Variants in POTED observed in about 807,000 individuals in gnomAD.
POTED encodes POTE ankyrin domain family member D, also known as ANKRD26-like family B member 3.
Under a neutral mutation model 19.0 loss-of-function variants are expected in POTED, and 7 were observed. That is an observed-to-expected ratio of 0.37 (90% CI 0.21 to 0.69). POTED has a LOEUF of 0.69. Ranked by LOEUF, POTED falls within the 30% of genes least tolerant of loss-of-function variation. The pLI, the probability that POTED is intolerant of heterozygous loss-of-function variation, is 0.56. For missense variants in POTED, 54 were observed against 278.5 expected, an observed-to-expected ratio of 0.19 and a Z score of 5.74; for synonymous variants, 16 against 92.0, an observed-to-expected ratio of 0.17 and a Z score of 4.73.
At chr21:13,637,292 T>C (rs1356741076) in intron 9 of POTED, among the ~76,000 whole-genome samples, 1 of 72,150 alleles carries the variant, frequency 1.4e-5, no homozygotes, top group Non-Finnish European at 2.4e-5. Context: ...ACATCTGCTG[T>C]TTTTTTTATT....
At position 13,612,265 on chromosome 21, in the gene POTED, T is replaced by G. The variant is rs1157149529; in HGVS notation, c.521+1516T>G. Among the ~76,000 whole-genome samples the G allele has an allele frequency of 1.2e-4, 8 of 64,788 alleles. 3 individuals are homozygous for G. Among genetic ancestry groups the G allele is most frequent in the African/African-American group, 2.6e-4 (2 of 7,716 alleles). The allele number at this position is 64,788 out of a possible 152,430, so 42.5% of individuals were successfully genotyped here. A position where few individuals can be genotyped will look rare whatever the true frequency, so the allele number is the denominator to read the frequency against. On this transcript the variant is annotated intron_variant, in intron 1 of 10. Transcript: ENST00000299443. ...GGCAAGTGGATCACGAGGTCAGGAG[T>G]TTGATACTAGCCTGGCCAGCATGGT...
rs3859721 is a variant in POTED at position 13,636,613 on chromosome 21, C to A, written c.1410-2902C>A. ...AATCATTACTAATAAAAATTGCTATCTTTGAAATATAAATAATGACATTTT... is the reference window on the plus strand; with the variant it reads ...AATCATTACTAATAAAAATTGCTATATTTGAAATATAAATAATGACATTTT... On this transcript the variant is annotated intron_variant, in intron 9 of 10. Coordinates refer to ENST00000299443, the MANE Select transcript of POTED (RefSeq NM_174981.6). Among the ~76,000 whole-genome samples, 4 of 78,900 alleles carry A rather than the reference C, an allele frequency of 5.1e-5. 2 individuals carry two copies. Among genetic ancestry groups the A allele is most frequent in the African/African-American group, 2.0e-4 (2 of 10,176 alleles). The allele number at this position is 78,900 out of a possible 152,430, so 51.8% of individuals were successfully genotyped here. A position where few individuals can be genotyped will look rare whatever the true frequency, so the allele number is the denominator to read the frequency against.
In POTED at chr21:13,612,714, G is replaced by T. The variant is rs560934617; in HGVS notation, c.521+1965G>T. On this transcript the variant is annotated intron_variant, in intron 1 of 10. Coordinates refer to ENST00000299443, the MANE Select transcript of POTED (RefSeq NM_174981.6). ...GAAACAGACACAGCTGTTTTTCTTA[G>T]TATTGCTTAAAATAGCCATGTATTG... Among the ~76,000 whole-genome samples, 594 of 81,518 alleles carry T rather than the reference G, an allele frequency of 7.3e-3. 269 individuals are homozygous for T. Among genetic ancestry groups the T allele is most frequent in the African/African-American group, 0.052 (556 of 10,664 alleles). The allele number at this position is 81,518 out of a possible 152,430, so 53.5% of individuals were successfully genotyped here. A position where few individuals can be genotyped will look rare whatever the true frequency, so the allele number is the denominator to read the frequency against.
Position 13,639,781 on chromosome 21 carries a change from TACAC to T in POTED, c.1533+160_1533+163del, listed in dbSNP as rs150801476. On this transcript the variant is annotated intron_variant, in intron 10 of 10. Transcript: ENST00000299443. ...ATATATATGTGTGTGTGTATATATA[TACAC>T]ACACACACACACACACCCTGTATAT... 5.4e-4 allele frequency: 193 copies of T among 358,964 alleles called. 18 individuals are homozygous for T. Among genetic ancestry groups the T allele is most frequent in the Admixed American group, 1.8e-3 (30 of 16,926 alleles). 22.2% of individuals were successfully genotyped at this position (358,964 alleles called of 1,614,324 possible).
intron 1 of POTED, among the ~76,000 whole-genome samples, chr21:13,611,866 C>CA (rs2011142847): frequency 2.2e-5 from 1 of 45,906 alleles, no homozygotes; most frequent in Non-Finnish European, 3.5e-5. Flanking sequence ...TACAGGCACC[C>CA]ACCACCATGC....
rs201340985 is a variant in POTED, at chr21:13,610,195, G to T, written c.-34G>T. 21 of 325,686 alleles carry T rather than the reference G, an allele frequency of 6.4e-5. 6 individuals are homozygous for T. Among genetic ancestry groups the T allele is most frequent in the Admixed American group, 3.9e-4 (7 of 17,776 alleles). The allele number at this position is 325,686 out of a possible 1,614,324, so 20.2% of individuals were successfully genotyped here. A position where few individuals can be genotyped will look rare whatever the true frequency, so the allele number is the denominator to read the frequency against. On this transcript the variant is annotated 5_prime_UTR_variant, in exon 1 of 11. Coordinates refer to ENST00000299443, the MANE Select transcript of POTED (RefSeq NM_174981.6). Reference sequence around the variant, plus strand: ...ACTGGTTGGTAGACGCGATCTGTTCGCTACTACCGGCCTCCCCTGGCTGTT... The same window carrying T: ...ACTGGTTGGTAGACGCGATCTGTTCTCTACTACCGGCCTCCCCTGGCTGTT...
rs1419418348 is a variant in POTED at position 13,645,150 on chromosome 21, A to G, written c.*3584A>G. Reference sequence around the variant, plus strand: ...TGTACCTGAAAGAGATGAGAATGGAACCAACTTGGAAAACACATTTCAGAA... The same window carrying G: ...TGTACCTGAAAGAGATGAGAATGGAGCCAACTTGGAAAACACATTTCAGAA... On this transcript the variant is annotated 3_prime_UTR_variant, in exon 11 of 11. Transcript: ENST00000299443. Among the ~76,000 whole-genome samples the G allele has an allele frequency of 7.7e-6, 1 of 130,428 alleles. No homozygotes were observed. Among genetic ancestry groups the G allele is most frequent in the African/African-American group, 3.2e-5 (1 of 31,400 alleles). 85.6% of individuals were successfully genotyped at this position (130,428 alleles called of 152,430 possible). A position where few individuals can be genotyped will look rare whatever the true frequency, so the allele number is the denominator to read the frequency against.
In POTED at chr21:13,631,276, G is replaced by A. The variant is rs966277607; in HGVS notation, c.1409+169G>A. 3.5e-5 allele frequency among the ~76,000 whole-genome samples: 4 copies of A among 112,940 alleles called. 1 individual carries two copies. The highest frequency in any genetic ancestry group is 7.1e-5 in the Non-Finnish European group (4 of 56,596). The allele number at this position is 112,940 out of a possible 152,430, so 74.1% of individuals were successfully genotyped here. A position where few individuals can be genotyped will look rare whatever the true frequency, so the allele number is the denominator to read the frequency against. On this transcript the variant is annotated intron_variant, in intron 9 of 10. Coordinates refer to ENST00000299443, the MANE Select transcript of POTED (RefSeq NM_174981.6). ...AAACAATGAGTTACCGTTTTTTCCA[G>A]TCATTAATTTATTTGAAAAATAACC...
intron 9 of POTED, among the ~76,000 whole-genome samples, chr21:13,637,004 A>ATATATATATATATATATATATATATTT (rs1481200854): frequency 6.1e-5 from 1 of 16,468 alleles, no homozygotes. Flanking sequence ...ATATATATAT[A>ATATATATATATATATATATATATATTT]TTTTTTTTTT....
chr21:13,637,548 T>G (rs1459665914), intron 9 of POTED, among the ~76,000 whole-genome samples: 1 of 63,572 alleles, frequency 1.6e-5, no homozygotes, highest in Non-Finnish European at 2.6e-5. Context: ...ATTCATAATT[T>G]GCCCATATTT....
In POTED at chr21:13,645,471, A is replaced by C. The variant is rs1358736745; in HGVS notation, c.*3905A>C. Among the ~76,000 whole-genome samples the C allele has an allele frequency of 7.5e-6, 1 of 134,094 alleles. No individual in the cohort carries two copies. The highest frequency in any genetic ancestry group is 2.0e-4 in the East Asian group (1 of 5,092). 88.0% of individuals were successfully genotyped at this position (134,094 alleles called of 152,430 possible). Reference sequence around the variant, plus strand: ...AATTTCAACCCAGAATTTCATGTCCAGCAAAATTAAGCATCATAAGTGAAG... The same window carrying C: ...AATTTCAACCCAGAATTTCATGTCCCGCAAAATTAAGCATCATAAGTGAAG... On this transcript the variant is annotated 3_prime_UTR_variant, in exon 11 of 11. Transcript: ENST00000299443.
chr21:13,637,004 A>ATTT (rs1208399825), intron 9 of POTED, among the ~76,000 whole-genome samples: 22 of 16,420 alleles, frequency 1.3e-3, no homozygotes, highest in Non-Finnish European at 1.9e-3. Flanking sequence ...ATATATATAT[A>ATTT]TTTTTTTTTT....
At position 13,642,539 on chromosome 21, in the gene POTED, G is replaced by A. The variant is rs4490281; in HGVS notation, c.*973G>A. Among the ~76,000 whole-genome samples, 6 of 80,068 alleles carry A rather than the reference G, an allele frequency of 7.5e-5. 2 individuals are homozygous for A. Among genetic ancestry groups the A allele is most frequent in the Non-Finnish European group, 1.3e-4 (6 of 45,162 alleles). The allele number at this position is 80,068 out of a possible 152,430, so 52.5% of individuals were successfully genotyped here. On this transcript the variant is annotated 3_prime_UTR_variant, in exon 11 of 11. Coordinates refer to ENST00000299443, the MANE Select transcript of POTED (RefSeq NM_174981.6). ...GACCAGGGGCTGAAGTGAACCCCCC[G>A]CACAGCATAGCCACTCTACAAAAAC...
intron 9 of POTED, among the ~76,000 whole-genome samples, chr21:13,637,004 AT>A (rs1208399825): frequency 0.19 from 3,106 of 16,500 alleles, 1,206 homozygotes; most frequent in Admixed American, 0.23. Context: ...ATATATATAT[AT>A]TTTTTTTTTT....
Position 13,643,360 on chromosome 21 carries a change from G to T in POTED, c.*1794G>T, listed in dbSNP as rs533807683. ...TGCTCTTATGAGACACTTTATCCCA[G>T]CACTTTAGGAGTGCTGAGGTCAGAC... On this transcript the variant is annotated 3_prime_UTR_variant, in exon 11 of 11. Transcript: ENST00000299443. Among the ~76,000 whole-genome samples, 44 of 70,470 alleles carry T rather than the reference G, an allele frequency of 6.2e-4. 17 individuals are homozygous for T. Among genetic ancestry groups the T allele is most frequent in the East Asian group, 3.3e-3 (4 of 1,206 alleles). The allele number at this position is 70,470 out of a possible 152,430, so 46.2% of individuals were successfully genotyped here. A position where few individuals can be genotyped will look rare whatever the true frequency, so the allele number is the denominator to read the frequency against.
chr21:13,627,452 AC>A lies in POTED; in HGVS notation c.1127-929del, dbSNP rs748232910. On this transcript the variant is annotated intron_variant, in intron 6 of 10. Transcript: ENST00000299443. The stretch of plus-strand genomic sequence containing the variant: ...GCAAGACCCTGGCTCAAACAAAAAA[AC>A]AAAAAAAAAAAAGAAAAATGAATAT... Among the ~76,000 whole-genome samples, 33 of 95,882 alleles carry A rather than the reference AC, an allele frequency of 3.4e-4. 7 individuals carry two copies. Among genetic ancestry groups the A allele is most frequent in the Non-Finnish European group, 6.0e-4 (30 of 50,404 alleles). The allele number at this position is 95,882 out of a possible 152,430, so 62.9% of individuals were successfully genotyped here.
rs9305905 is a variant in POTED, at chr21:13,610,927, G to A, written c.521+178G>A. Among the ~76,000 whole-genome samples the A allele has an allele frequency of 1.7e-4, 14 of 80,940 alleles. 2 individuals carry two copies. Among genetic ancestry groups the A allele is most frequent in the African/African-American group, 1.9e-4 (2 of 10,498 alleles). The allele number at this position is 80,940 out of a possible 152,430, so 53.1% of individuals were successfully genotyped here. A position where few individuals can be genotyped will look rare whatever the true frequency, so the allele number is the denominator to read the frequency against. ...CCCTTTATAAACAGCGACACAAAAA[G>A]TTTTAGCTGATTTCCAATCCAATTA... On this transcript the variant is annotated intron_variant, in intron 1 of 10. Transcript: ENST00000299443.
chr21:13,626,431 T>C (rs2011186260), intron 6 of POTED, among the ~76,000 whole-genome samples: 1 of 60,376 alleles, frequency 1.7e-5, no homozygotes, highest in Admixed American at 1.5e-4. Context: ...TAGTATCATC[T>C]CAGCTGTGTC....
chr21:13,645,562 C>A lies in POTED; in HGVS notation c.*3996C>A, dbSNP rs1293320108. On this transcript the variant is annotated 3_prime_UTR_variant, in exon 11 of 11. Transcript: ENST00000299443. The stretch of plus-strand genomic sequence containing the variant: ...ATTCGTTATCACCAGACCTACCTTA[C>A]AAGAGCTCCTGAAGGAAGCACTAAA... 3.2e-5 allele frequency among the ~76,000 whole-genome samples: 4 copies of A among 125,732 alleles called. 1 individual carries two copies. Among genetic ancestry groups the A allele is most frequent in the Non-Finnish European group, 6.7e-5 (4 of 59,386 alleles). The allele number at this position is 125,732 out of a possible 152,430, so 82.5% of individuals were successfully genotyped here. A position where few individuals can be genotyped will look rare whatever the true frequency, so the allele number is the denominator to read the frequency against.
Sources: gnomAD v4.1 joint callset for allele counts (sites outside exome capture counted in the v4.1 genomes callset) on GRCh38, gnomAD v4.1.1 for gene constraint, MANE v1.5 for transcripts, NCBI Gene and HGNC (gene_info 2026-07-23, HGNC 2026-07-21) for gene names.